Variants in ASTN2 observed in about 807,000 individuals in gnomAD.
ASTN2 encodes astrotactin 2, also known as astrotactin-2.
Under a neutral mutation model 139.8 loss-of-function variants are expected in ASTN2, and 54 were observed. The observed-to-expected ratio is 0.39, with a 90% CI of 0.31 to 0.48. The LOEUF (loss-of-function observed/expected upper bound fraction) is 0.48, where lower values mean the gene tolerates loss of function less well. Ranked by LOEUF, ASTN2 falls within the 20% of genes least tolerant of loss-of-function variation. The pLI, the probability that ASTN2 is intolerant of heterozygous loss-of-function variation, is 0.95. For synonymous variants in ASTN2, 756 were observed against 719.5 expected (o/e 1.05, Z -0.81); for missense variants, 1,565 against 1,725.1 (o/e 0.91, Z 1.64).
At chr9:116,810,112 G>T (rs761452336) in intron 12 of ASTN2, among the ~76,000 whole-genome samples, 2 of 152,146 alleles carry the variant, frequency 1.3e-5, no homozygotes, top group Non-Finnish European at 2.9e-5. Context: ...TCTGGTTGGG[G>T]GAGGGGGCTC....
intron 2 of ASTN2, among the ~76,000 whole-genome samples, chr9:117,231,395 G>A (rs870026): frequency 0.51 from 78,089 of 152,052 alleles, 20,949 homozygotes; most frequent in African/African-American, 0.66. Context: ...TCAGACTCTC[G>A]ATCCATGAAA....
chr9:117,065,859 G>C (rs1478658682), intron 5 of ASTN2, among the ~76,000 whole-genome samples: 1 of 152,038 alleles, frequency 6.6e-6, no homozygotes, highest in Non-Finnish European at 1.5e-5. Context: ...ACCAGCTTTG[G>C]GGTCAAATAG....
At chr9:116,652,054 G>A (rs1857947794) in intron 16 of ASTN2, among the ~76,000 whole-genome samples, 1 of 151,972 alleles carries the variant, frequency 6.6e-6, no homozygotes, top group Non-Finnish European at 1.5e-5. Flanking sequence ...TGTAAAGTTG[G>A]GGCCAGGCAC....
At chr9:117,201,905 T>C (rs976886953) in intron 3 of ASTN2, among the ~76,000 whole-genome samples, 13 of 152,186 alleles carry the variant, frequency 8.5e-5, no homozygotes, top group African/African-American at 3.1e-4. Context: ...GTTAATTTTC[T>C]GTCTCGTTGA....
At chr9:116,985,725 C>T (rs951994567) in intron 7 of ASTN2, among the ~76,000 whole-genome samples, 11 of 152,194 alleles carry the variant, frequency 7.2e-5, no homozygotes, top group Non-Finnish European at 1.5e-4. Flanking sequence ...TTCCAACAAT[C>T]CAGAAGGATC....
Position 116,861,309 on chromosome 9 carries a change from G to T in ASTN2, c.2040+2274C>A, listed in dbSNP as rs117940467. Among the ~76,000 whole-genome samples, 47 of 151,872 alleles carry T rather than the reference G, an allele frequency of 3.1e-4. No homozygotes were observed. The East Asian group carries it at 8.7e-3, about 28-fold the overall frequency. On this transcript the variant is annotated intron_variant, in intron 11 of 22. Coordinates refer to ENST00000313400, the MANE Select transcript of ASTN2 (RefSeq NM_001365068.1). ...TTCCTATGGGATATCTATCCTAAAAGAGAAGGAGCTTAATTAATTTGAGAA... is the reference window on the plus strand; with the variant it reads ...TTCCTATGGGATATCTATCCTAAAATAGAAGGAGCTTAATTAATTTGAGAA...
chr9:117,015,273 C>T (rs894958530), intron 6 of ASTN2, among the ~76,000 whole-genome samples: 2 of 152,136 alleles, frequency 1.3e-5, no homozygotes, highest in Admixed American at 1.3e-4. Flanking sequence ...CCTGCCTTGG[C>T]CTCTCAAAGT....
chr9:116,435,959 G>A (rs1847637372), intron 22 of ASTN2, among the ~76,000 whole-genome samples: 1 of 152,124 alleles, frequency 6.6e-6, no homozygotes, highest in Non-Finnish European at 1.5e-5. Flanking sequence ...TCTCAGGCAC[G>A]TTAAAGTTTG....
At position 117,295,779 on chromosome 9, in the gene ASTN2, G is replaced by T. The variant is rs569079438; in HGVS notation, c.443-4266C>A. 2.6e-5 allele frequency among the ~76,000 whole-genome samples: 4 copies of T among 152,072 alleles called. No homozygotes were observed. The South Asian group carries it at 8.3e-4, about 32-fold the overall frequency. ...AAAAAAAAGAAGAAGAAGAAGTAAA[G>T]GTCGATTGAAAACTCCAAAGTGGGA... is the stretch of plus-strand genomic sequence containing the variant. On this transcript the variant is annotated intron_variant, in intron 1 of 22. Coordinates refer to ENST00000313400, the MANE Select transcript of ASTN2 (RefSeq NM_001365068.1).
Position 117,026,433 on chromosome 9 carries a change from A to G in ASTN2, c.1423+13386T>C, listed in dbSNP as rs73657620. On this transcript the variant is annotated intron_variant, in intron 6 of 22. Transcript: ENST00000313400. ...ATTCTTACAAGGCTTCCTCAACTCA[A>G]TTGGGCTTCTTATGTTGATTGATGT... 5.1e-3 allele frequency among the ~76,000 whole-genome samples: 776 copies of G among 152,226 alleles called. 6 individuals carry two copies. Among genetic ancestry groups the G allele is most frequent in the African/African-American group, 0.018 (729 of 41,550 alleles).
At chr9:117,211,517 G>C (rs1406540284) in intron 3 of ASTN2, among the ~76,000 whole-genome samples, 1 of 152,154 alleles carries the variant, frequency 6.6e-6, no homozygotes, top group Non-Finnish European at 1.5e-5. Flanking sequence ...TGAAGAAGGT[G>C]CTTGCTTCCC....
chr9:117,031,702 G>A (rs959385681), intron 6 of ASTN2, among the ~76,000 whole-genome samples: 4 of 152,098 alleles, frequency 2.6e-5, no homozygotes, highest in Admixed American at 6.6e-5. Flanking sequence ...TAGAGATGTG[G>A]GAAGAAGTTT....
At chr9:116,503,830 C>G (rs72759906) in intron 19 of ASTN2, among the ~76,000 whole-genome samples, 6,948 of 152,256 alleles carry the variant, frequency 0.046, 216 homozygotes, top group Non-Finnish European at 0.069. Context: ...TCACGATAAT[C>G]CTGTGAGGTA....
Position 117,404,787 on chromosome 9 carries a change from T to C in ASTN2, c.442+9710A>G, listed in dbSNP as rs180843241. The stretch of plus-strand genomic sequence containing the variant: ...TCAGAGGACAAGATCACTGATCCCC[T>C]AGTAAACACTTGGCAGAGCATGAGG... On this transcript the variant is annotated intron_variant, in intron 1 of 22. Transcript: ENST00000313400. Among the ~76,000 whole-genome samples the C allele has an allele frequency of 5.9e-5, 9 of 151,774 alleles. No homozygotes were observed. In the East Asian group the frequency reaches 1.6e-3, roughly 26 times the overall value.
At chr9:116,447,235 C>A (rs1848027381) in intron 20 of ASTN2, among the ~76,000 whole-genome samples, 1 of 152,214 alleles carries the variant, frequency 6.6e-6, no homozygotes, top group Non-Finnish European at 1.5e-5. Context: ...CTTACCTCCT[C>A]TGGAAAGTCT....
At chr9:116,565,388 C>CATATATAT (rs1164878126) in intron 19 of ASTN2, among the ~76,000 whole-genome samples, 46 of 33,990 alleles carry the variant, frequency 1.4e-3, no homozygotes, top group Non-Finnish European at 1.7e-3. Flanking sequence ...TCTCTCTCTC[C>CATATATAT]ATATATATAT....
At chr9:116,635,572 G>GA (rs1260705170) in intron 17 of ASTN2, among the ~76,000 whole-genome samples, 6 of 152,096 alleles carry the variant, frequency 3.9e-5, no homozygotes, top group East Asian at 1.9e-4. Flanking sequence ...GCACATATGA[G>GA]AAAAAATCAC....
chr9:116,479,765 A>G (rs1227969447), intron 20 of ASTN2, among the ~76,000 whole-genome samples: 1 of 152,110 alleles, frequency 6.6e-6, no homozygotes, highest in Non-Finnish European at 1.5e-5. Context: ...TGTTTTCCAT[A>G]TTGTTTCTAA....
At chr9:116,825,583 A>C (rs1831603027) in intron 11 of ASTN2, among the ~76,000 whole-genome samples, 1 of 152,142 alleles carries the variant, frequency 6.6e-6, no homozygotes, top group African/African-American at 2.4e-5. Flanking sequence ...ACAGGGGAGA[A>C]ATGAGAAGCA....
Sources: gnomAD v4.1 joint callset for allele counts (sites outside exome capture counted in the v4.1 genomes callset) on GRCh38, gnomAD v4.1.1 for gene constraint, MANE v1.5 for transcripts, NCBI Gene and HGNC (gene_info 2026-07-23, HGNC 2026-07-21) for gene names.